The following APP variants were observed in gnomAD, a reference collection of about 807,000 sequenced individuals.
The protein encoded by APP is amyloid beta precursor protein.
A neutral mutation model predicts 101.4 loss-of-function variants in APP; 31 were observed. The ratio of observed to expected loss-of-function variants is 0.31; its 90% CI spans 0.23 to 0.41. The LOEUF (loss-of-function observed/expected upper bound fraction) is 0.41. Ranked by LOEUF, APP falls within the 10% of genes least tolerant of loss-of-function variation. The probability of loss-of-function intolerance (pLI) is 1.00; values close to 1 mark genes in which losing one functional copy is unlikely to be tolerated. For synonymous variants in APP, 366 were observed against 364.4 expected (o/e 1.00, Z -0.05); for missense variants, 839 against 1,003.7 (o/e 0.84, Z 2.22).
chr21:25,902,333 A>G (rs994957637), intron 15 of APP, among the ~76,000 whole-genome samples: 3 of 152,232 alleles, frequency 2.0e-5, no homozygotes, highest in African/African-American at 7.2e-5. Context: ...GTGGTCTCTA[A>G]AATGTGAAGA....
chr21:26,062,277 G>T (rs1217558153), intron 3 of APP, among the ~76,000 whole-genome samples: 1 of 150,012 alleles, frequency 6.7e-6, no homozygotes, highest in East Asian at 2.0e-4. Flanking sequence ...GTTTAACCCA[G>T]GCTCTGAATA....
chr21:25,983,939 G>C (rs1484327411), intron 8 of APP, among the ~76,000 whole-genome samples: 1 of 152,218 alleles, frequency 6.6e-6, no homozygotes, highest in Non-Finnish European at 1.5e-5. Flanking sequence ...TTTCAGATCA[G>C]CTGTGACCTG....
At chr21:25,895,037 C>T (rs1462714205) in intron 16 of APP, among the ~76,000 whole-genome samples, 1 of 151,874 alleles carries the variant, frequency 6.6e-6, no homozygotes, top group African/African-American at 2.4e-5. Context: ...TTAGGACTTG[C>T]TGAAGACTCA....
intron 13 of APP, among the ~76,000 whole-genome samples, chr21:25,917,917 GAAA>G (rs138950793): frequency 2.7e-5 from 3 of 111,860 alleles, no homozygotes; most frequent in African/African-American, 6.6e-5. Flanking sequence ...ACAAACATAT[GAAA>G]AAAAAAAAAA....
intron 13 of APP, chr21:25,934,379 T>C (rs896844805): frequency 3.3e-5 from 5 of 152,194 alleles, no homozygotes; most frequent in Admixed American, 6.5e-5. Flanking sequence ...AAGTGAATAT[T>C]AGCTATTTGC....
intron 1 of APP, among the ~76,000 whole-genome samples, chr21:26,134,515 G>A (rs1298146376): frequency 6.6e-6 from 1 of 152,258 alleles, no homozygotes; most frequent in Non-Finnish European, 1.5e-5. Flanking sequence ...CCAGATGGAA[G>A]AGATGCACGG....
intron 17 of APP, among the ~76,000 whole-genome samples, chr21:25,887,538 A>C (rs61503082): frequency 0.36 from 53,147 of 145,748 alleles, 9,818 homozygotes; most frequent in South Asian, 0.43. Context: ...AAAAAAAAAA[A>C]AACAACAACT....
At chr21:25,970,496 G>A (rs367663735) in intron 11 of APP, among the ~76,000 whole-genome samples, 5 of 152,148 alleles carry the variant, frequency 3.3e-5, no homozygotes, top group South Asian at 2.1e-4. Flanking sequence ...ATGATCACAC[G>A]GCTCCTCTCC....
At chr21:26,146,828 C>A (rs151051565) in intron 1 of APP, among the ~76,000 whole-genome samples, 2 of 152,086 alleles carry the variant, frequency 1.3e-5, no homozygotes, top group African/African-American at 4.8e-5. Context: ...AAAAGTTTGC[C>A]TTTTGTTGCT....
chr21:26,154,233 AGAAATGAAGT>A (rs1412723979), intron 1 of APP, among the ~76,000 whole-genome samples: 12 of 152,356 alleles, frequency 7.9e-5, no homozygotes, highest in Non-Finnish European at 1.2e-4. Context: ...CCAGAAGCCC[AGAAATGAAGT>A]GCAATTCCTT....
chr21:26,133,514 G>A (rs1178195319), intron 1 of APP, among the ~76,000 whole-genome samples: 4 of 151,768 alleles, frequency 2.6e-5, no homozygotes, highest in Non-Finnish European at 5.9e-5. Flanking sequence ...GGCCGGGCGC[G>A]GTGGCTCATG....
chr21:26,166,899 A>AGAGG (rs1382500761), intron 1 of APP, among the ~76,000 whole-genome samples: 1 of 36,378 alleles, frequency 2.7e-5, no homozygotes, highest in African/African-American at 1.6e-4. Flanking sequence ...AGAGAGAGAG[A>AGAGG]GAGAGAAAGA....
chr21:26,122,219 T>A (rs1387312096), intron 1 of APP, among the ~76,000 whole-genome samples: 1 of 152,174 alleles, frequency 6.6e-6, no homozygotes, highest in African/African-American at 2.4e-5. Context: ...CAGGCTAGGA[T>A]GGGGAGAGGT....
chr21:25,956,525 A>G (rs2041329669), intron 11 of APP, among the ~76,000 whole-genome samples: 1 of 152,214 alleles, frequency 6.6e-6, no homozygotes, highest in Non-Finnish European at 1.5e-5. Flanking sequence ...ATTCCACTAC[A>G]TGATTTTGTA....
intron 6 of APP, among the ~76,000 whole-genome samples, chr21:26,020,287 G>A (rs1180918999): frequency 6.6e-6 from 1 of 152,176 alleles, no homozygotes; most frequent in East Asian, 1.9e-4. Flanking sequence ...GAGGTGAGTA[G>A]AGGGCTTAAC....
intron 5 of APP, among the ~76,000 whole-genome samples, chr21:26,031,678 T>C (rs2044831715): frequency 6.9e-6 from 1 of 145,800 alleles, no homozygotes; most frequent in Non-Finnish European, 1.5e-5. Flanking sequence ...ACAGAGAAGA[T>C]CAGCCCCCAT....
intron 8 of APP, among the ~76,000 whole-genome samples, chr21:25,984,243 G>T (rs2042553263): frequency 6.6e-6 from 1 of 151,840 alleles, no homozygotes; most frequent in Non-Finnish European, 1.5e-5. Context: ...AGAAAAAAAA[G>T]AAAAGGACAA....
At chr21:26,072,932 A>G (rs974825129) in intron 3 of APP, among the ~76,000 whole-genome samples, 1 of 152,174 alleles carries the variant, frequency 6.6e-6, no homozygotes. Context: ...TGTTTAACCT[A>G]AGAAGTCTGA....
chr21:26,115,446 A>C (rs1225354769), intron 1 of APP, among the ~76,000 whole-genome samples: 3 of 152,208 alleles, frequency 2.0e-5, no homozygotes, highest in Non-Finnish European at 4.4e-5. Context: ...CCATGCTTTC[A>C]CTACATATGC....
Sources: gnomAD v4.1 joint callset for allele counts (sites outside exome capture counted in the v4.1 genomes callset) on GRCh38, gnomAD v4.1.1 for gene constraint, MANE v1.5 for transcripts, NCBI Gene and HGNC (gene_info 2026-07-23, HGNC 2026-07-21) for gene names.